Variants in COL15A1 observed in about 807,000 individuals in gnomAD.
COL15A1 encodes the protein collagen alpha-1(XV) chain.
In COL15A1, 111 loss-of-function variants were observed where a neutral mutation model predicts 165.9. The ratio of observed to expected loss-of-function variants is 0.67; its 90% CI spans 0.57 to 0.78. The LOEUF is 0.78. Ranked by LOEUF, COL15A1 falls within the 30% of genes least tolerant of loss-of-function variation. The pLI, the probability that COL15A1 is intolerant of heterozygous loss-of-function variation, is 0.00. For missense variants in COL15A1, 1,745 were observed against 1,789.7 expected (o/e 0.98, Z 0.45); for synonymous variants, 659 against 674.8 (o/e 0.98, Z 0.36).
intron 17 of COL15A1, 76 bp downstream of exon 17, chr9:99,034,660 G>A: frequency 7.1e-7 from 1 of 1,401,564 alleles, no homozygotes; most frequent in Non-Finnish European, 9.3e-7. Context: ...TACTATAATT[G>A]GACTGCTGGG....
intron 15 of COL15A1, 99 bp downstream of exon 15, chr9:99,025,098 C>A (rs982572831): frequency 1.5e-5 from 15 of 974,710 alleles, no homozygotes; most frequent in Non-Finnish European, 7.6e-6. Flanking sequence ...GTCCAAGGTT[C>A]GCGATGGGGA....
intron 15 of COL15A1, 110 bp downstream of exon 15, chr9:99,025,109 G>A: frequency 1.2e-6 from 1 of 818,694 alleles, no homozygotes; most frequent in Non-Finnish European, 1.9e-6. Context: ...GCGATGGGGA[G>A]AGAGCAGCTA....
chr9:98,953,846 G>A (rs1368513751), intron 2 of COL15A1, among the ~76,000 whole-genome samples: 1 of 152,228 alleles, frequency 6.6e-6, no homozygotes, highest in Non-Finnish European at 1.5e-5. Context: ...GCAGTCTTTT[G>A]TGACTAGCTT....
At chr9:99,022,719 GCTC>G (rs1564062817) in intron 13 of COL15A1, among the ~76,000 whole-genome samples, 1 of 152,228 alleles carries the variant, frequency 6.6e-6, no homozygotes, top group Non-Finnish European at 1.5e-5. Flanking sequence ...CTCAGGGGGT[GCTC>G]AGTACACACA....
At position 99,060,091 on chromosome 9, in the gene COL15A1, A is replaced by ACT. The variant is rs1825785015; in HGVS notation, c.3402+138_3402+139insCT. 4.5e-5 allele frequency: 39 copies of ACT among 866,982 alleles called. No homozygotes were observed. The East Asian group carries it at 1.1e-3, about 25-fold the overall frequency. The allele number at this position is 866,982 out of a possible 1,614,324, so 53.7% of individuals were successfully genotyped here. On this transcript the variant is annotated intron_variant, in intron 36 of 41. Coordinates refer to ENST00000375001, the MANE Select transcript of COL15A1 (RefSeq NM_001855.5). ...GTAGGCTTGGTGCAATTCCATAAAT[A>ACT]GTAGAAGGGATTTGTTATCTATTTG...
chr9:98,959,853 G>A (rs963248646), intron 2 of COL15A1, among the ~76,000 whole-genome samples: 4 of 152,058 alleles, frequency 2.6e-5, no homozygotes, highest in Admixed American at 1.3e-4. Flanking sequence ...TTTCTGTGAC[G>A]CACAATGCAT....
chr9:98,962,452 G>C (rs1283553567), intron 2 of COL15A1, among the ~76,000 whole-genome samples: 2 of 152,226 alleles, frequency 1.3e-5, no homozygotes, highest in African/African-American at 4.8e-5. Flanking sequence ...ATTTTACTCA[G>C]TGGTTGGTAA....
At chr9:98,972,417 C>T (rs1838074779) in intron 2 of COL15A1, among the ~76,000 whole-genome samples, 1 of 152,212 alleles carries the variant, frequency 6.6e-6, no homozygotes, top group South Asian at 2.1e-4. Flanking sequence ...AACTTCACAC[C>T]AGCCTACCTT....
intron 9 of COL15A1, 149 bp from the exon 10 acceptor site, chr9:99,015,268 G>A (rs1384920687): frequency 7.8e-6 from 5 of 638,692 alleles, no homozygotes; most frequent in African/African-American, 7.3e-5. Flanking sequence ...AGCTCCAGGC[G>A]AAGGTGTGGT....
chr9:99,054,667 T>G lies in COL15A1; in HGVS notation c.3031+11T>G. 6.2e-7 allele frequency: 1 copy of G among 1,600,752 alleles called. No homozygotes were observed. The highest frequency in any genetic ancestry group is 8.5e-7 in the Non-Finnish European group (1 of 1,176,150). The stretch of plus-strand genomic sequence containing the variant: ...CCCAGGGACCACCAGGTATTCCAGC[T>G]CTTGTTCTCAATCTTGCCTTTGATT... On this transcript the variant is annotated intron_variant, in intron 32 of 41. Coordinates refer to ENST00000375001, the MANE Select transcript of COL15A1 (RefSeq NM_001855.5).
At chr9:99,026,724 TA>T (rs932923271) in intron 16 of COL15A1, among the ~76,000 whole-genome samples, 8 of 152,210 alleles carry the variant, frequency 5.3e-5, no homozygotes, top group African/African-American at 1.9e-4. Flanking sequence ...CCAGTTCAGA[TA>T]CATCCTCTGG....
At chr9:99,025,854 G>A in intron 15 of COL15A1, 50 bp from the exon 16 acceptor site, 1 of 1,584,486 alleles carries the variant, frequency 6.3e-7, no homozygotes, top group Non-Finnish European at 8.6e-7. Context: ...GCGTGTGTAT[G>A]TGATATTTAG....
At chr9:98,972,111 A>G (rs572288386) in intron 2 of COL15A1, among the ~76,000 whole-genome samples, 1 of 152,194 alleles carries the variant, frequency 6.6e-6, no homozygotes, top group South Asian at 2.1e-4. Context: ...CCGTTCTCAC[A>G]ATATCTCTGT....
intron 26 of COL15A1, among the ~76,000 whole-genome samples, chr9:99,047,367 G>A (rs1839508378): frequency 6.6e-6 from 1 of 152,210 alleles, no homozygotes; most frequent in Non-Finnish European, 1.5e-5. Context: ...TGAGGGGCGA[G>A]GCAGGGCTGC....
At chr9:98,977,704 ATGGC>A (rs1009578044) in intron 2 of COL15A1, among the ~76,000 whole-genome samples, 1 of 142,926 alleles carries the variant, frequency 7.0e-6, no homozygotes, top group Non-Finnish European at 1.5e-5. Flanking sequence ...CCTGTCTTGA[ATGGC>A]TGAGGTCTAG....
At chr9:99,041,701 G>T (rs1366075729) in intron 23 of COL15A1, among the ~76,000 whole-genome samples, 1 of 152,200 alleles carries the variant, frequency 6.6e-6, no homozygotes, top group African/African-American at 2.4e-5. Flanking sequence ...CGTGGAAGGG[G>T]ATAGTGGAGG....
intron 35 of COL15A1, among the ~76,000 whole-genome samples, chr9:99,056,888 C>A (rs1480108758): frequency 2.0e-5 from 3 of 152,150 alleles, no homozygotes; most frequent in African/African-American, 7.2e-5. Context: ...GAGTTCATTC[C>A]TTACTGTGGC....
intron 12 of COL15A1, among the ~76,000 whole-genome samples, chr9:99,021,425 C>CT (rs1203964537): frequency 1.3e-5 from 2 of 152,200 alleles, no homozygotes; most frequent in Non-Finnish European, 2.9e-5. Context: ...TTCCTCTCTC[C>CT]TTTTGGTGGA....
In COL15A1 at chr9:99,016,064, C is replaced by G. The variant is rs35529307; in HGVS notation, c.1592C>G (p.Pro531Arg). 166,055 of 1,613,866 alleles carry G rather than the reference C, an allele frequency of 0.1. 9,182 individuals are homozygous for G. The highest frequency in any genetic ancestry group is 0.13 in the Middle Eastern group (793 of 6,056). The change falls in exon 11 of 42, where the codon CCT (proline) becomes CGT (arginine). Residue 531 changes from proline (P) to arginine (R), a missense_variant. Coordinates refer to ENST00000375001, the MANE Select transcript of COL15A1 (RefSeq NM_001855.5). ...GGTGAAGAGTCCGGCAGCCCTCCCC[C>G]TGATGGGCCACCGCTGCCCCTGCCC... ...AGGEESGSPP[P>R]DGPPLPLPTV...
Sources: allele counts gnomAD v4.1 joint callset (sites outside exome capture counted in the v4.1 genomes callset), GRCh38; gene constraint gnomAD v4.1.1; transcripts MANE v1.5; gene names NCBI Gene and HGNC (gene_info 2026-07-23, HGNC 2026-07-21).